Variants in NOL4L observed in about 807,000 individuals in gnomAD.
NOL4L encodes the protein nucleolar protein 4-like.
NOL4L carries 7 observed loss-of-function variants against 64.5 expected under a neutral mutation model. That is an observed-to-expected ratio of 0.11 (90% CI 0.06 to 0.20). The LOEUF is 0.20. Among genes scored for constraint, NOL4L ranks in the 10% least tolerant of loss-of-function variants. NOL4L has a pLI of 1.00. For synonymous variants in NOL4L, 413 were observed against 401.0 expected, an observed-to-expected ratio of 1.03 and a Z score of -0.36; for missense variants, 680 against 967.1, an observed-to-expected ratio of 0.70 and a Z score of 3.94.
intron 3 of NOL4L, 143 bp downstream of exon 3, chr20:32,520,668 G>A: frequency 2.1e-6 from 1 of 466,550 alleles, no homozygotes. Context: ...GCTTTGGGCA[G>A]CACCACGGAC....
At chr20:32,504,283 G>A (rs570204136) in intron 4 of NOL4L, among the ~76,000 whole-genome samples, 31 of 152,210 alleles carry the variant, frequency 2.0e-4, no homozygotes, top group South Asian at 6.2e-4. Flanking sequence ...CTCAGAGGCC[G>A]GGCGTGGTGG....
chr20:32,494,751 G>A (rs1468693690), intron 4 of NOL4L, among the ~76,000 whole-genome samples: 1 of 152,212 alleles, frequency 6.6e-6, no homozygotes, highest in Non-Finnish European at 1.5e-5. Context: ...GGACAAGGTT[G>A]GAGCAATAGC....
intron 1 of NOL4L, chr20:32,535,447 T>C (rs1340023063): frequency 7.4e-6 from 2 of 270,794 alleles, no homozygotes; most frequent in Non-Finnish European, 1.1e-5. Flanking sequence ...CTGCCTCTTC[T>C]CCACCCTTGT....
At position 32,452,258 on chromosome 20, in the gene NOL4L, G is replaced by C; in HGVS notation, c.1800C>G (p.Leu600=). 1 of 1,573,404 alleles carries C rather than the reference G, an allele frequency of 6.4e-7. No homozygotes were observed. Among genetic ancestry groups the C allele is most frequent in the East Asian group, 2.3e-5 (1 of 43,604 alleles). Residue 600 remains leucine (L), a synonymous_variant, in exon 10 of 11, where the codon CTC becomes CTG. Transcript: ENST00000621426. ...CACCATTACTGTGGTTTCCTGTTTG[G>C]AGGGAGGCAGGGGGCTGCAGGTTGC... ...LSSNLQPPAS[L]QTGNHSNGPT...
At chr20:32,452,575 G>C (rs1321161516) in intron 9 of NOL4L, 138 bp from the exon 10 acceptor site, 2 of 868,156 alleles carry the variant, frequency 2.3e-6, no homozygotes, top group Non-Finnish European at 3.4e-6. Context: ...GTGGGATTCT[G>C]TCTGTCCCCT....
chr20:32,549,334 A>G (rs1470106871), intron 1 of NOL4L, among the ~76,000 whole-genome samples: 1 of 152,226 alleles, frequency 6.6e-6, no homozygotes, highest in African/African-American at 2.4e-5. Context: ...ATAGAGATAT[A>G]CAAATGGCCA....
Position 32,557,790 on chromosome 20 carries a change from C to T in NOL4L, c.321+26780G>A, listed in dbSNP as rs190517253. Among the ~76,000 whole-genome samples, 21 of 152,320 alleles carry T rather than the reference C, an allele frequency of 1.4e-4. No homozygotes were observed. The East Asian group carries it at 3.7e-3, about 27-fold the overall frequency. On this transcript the variant is annotated intron_variant, in intron 1 of 10. Coordinates refer to ENST00000621426, the MANE Select transcript of NOL4L (RefSeq NM_001256798.2). ...TTTAAATAATGTGAACACAGCCAGG[C>T]GCGGTGGCTCATGCCTGTAATCCCA...
intron 4 of NOL4L, among the ~76,000 whole-genome samples, chr20:32,504,514 C>A (rs899201283): frequency 1.3e-5 from 2 of 148,812 alleles, no homozygotes; most frequent in African/African-American, 2.5e-5. Context: ...GAGCCAAGAT[C>A]GTGCCACTGC....
At chr20:32,550,687 C>A (rs1358728078) in intron 1 of NOL4L, among the ~76,000 whole-genome samples, 8 of 152,320 alleles carry the variant, frequency 5.3e-5, no homozygotes, top group South Asian at 2.1e-4. Flanking sequence ...GGAGACCAGA[C>A]TGACCATCAT....
chr20:32,493,263 G>C lies in NOL4L; in HGVS notation c.699+18084C>G, dbSNP rs1360983529. Reference sequence around the variant, plus strand: ...CCAAGGAAGCCATGCAGGGAAACGGGCAGGTTACCAAGAGAAAGAGGCAGG... The same window carrying C: ...CCAAGGAAGCCATGCAGGGAAACGGCCAGGTTACCAAGAGAAAGAGGCAGG... On this transcript the variant is annotated intron_variant, in intron 4 of 10. Coordinates refer to ENST00000621426, the MANE Select transcript of NOL4L (RefSeq NM_001256798.2). Among the ~76,000 whole-genome samples the C allele has an allele frequency of 2.6e-5, 4 of 152,326 alleles. No homozygotes were observed. The East Asian group carries it at 7.7e-4, about 29-fold the overall frequency.
At chr20:32,458,211 G>A (rs2013734732) in intron 5 of NOL4L, among the ~76,000 whole-genome samples, 1 of 152,152 alleles carries the variant, frequency 6.6e-6, no homozygotes, top group African/African-American at 2.4e-5. Context: ...ACAGCCACTG[G>A]CACTCTCAGT....
In NOL4L at chr20:32,447,454, G is replaced by T; in HGVS notation, c.*142C>A. On this transcript the variant is annotated 3_prime_UTR_variant, in exon 11 of 11. Coordinates refer to ENST00000621426, the MANE Select transcript of NOL4L (RefSeq NM_001256798.2). The stretch of plus-strand genomic sequence containing the variant: ...AGTGTCCTTGTGCCCAAAGTCTCAG[G>T]TGCTTGGAGTGTGGCTAGAAACAGC... 1 of 922,622 alleles carries T rather than the reference G, an allele frequency of 1.1e-6. No homozygotes were observed. Among genetic ancestry groups the T allele is most frequent in the Non-Finnish European group, 1.6e-6 (1 of 636,188 alleles). 57.2% of individuals were successfully genotyped at this position (922,622 alleles called of 1,614,324 possible).
intron 1 of NOL4L, among the ~76,000 whole-genome samples, chr20:32,540,677 C>T (rs2018638389): frequency 6.6e-6 from 1 of 152,152 alleles, no homozygotes; most frequent in African/African-American, 2.4e-5. Context: ...TCCGTTTCCC[C>T]ATCTGTGAGA....
intron 3 of NOL4L, among the ~76,000 whole-genome samples, chr20:32,518,656 A>T (rs944679644): frequency 3.0e-4 from 45 of 152,062 alleles, no homozygotes; most frequent in Non-Finnish European, 4.3e-4. Context: ...TCTGTGTCTG[A>T]CTCCGCCAGT....
chr20:32,465,815 C>T (rs1057447718), intron 5 of NOL4L, among the ~76,000 whole-genome samples: 1 of 152,186 alleles, frequency 6.6e-6, no homozygotes, highest in African/African-American at 2.4e-5. Context: ...GGAAAGTCAC[C>T]CTTGAACAGG....
intron 4 of NOL4L, among the ~76,000 whole-genome samples, chr20:32,500,711 T>C (rs765075703): frequency 1.3e-5 from 2 of 151,832 alleles, no homozygotes; most frequent in Non-Finnish European, 2.9e-5. Context: ...CCTGGAGTCT[T>C]ACAGTGCCAG....
chr20:32,531,009 A>G (rs1489363075), intron 1 of NOL4L, among the ~76,000 whole-genome samples: 2 of 152,220 alleles, frequency 1.3e-5, no homozygotes, highest in Non-Finnish European at 2.9e-5. Flanking sequence ...AACAGTTTTT[A>G]AAAAGGATAT....
At chr20:32,494,256 A>G (rs2016585478) in intron 4 of NOL4L, among the ~76,000 whole-genome samples, 1 of 54,182 alleles carries the variant, frequency 1.8e-5, no homozygotes, top group African/African-American at 7.0e-5. Flanking sequence ...ATCTCGGGAA[A>G]AAAAAAAAAA....
chr20:32,498,684 G>A (rs1412047756), intron 4 of NOL4L, among the ~76,000 whole-genome samples: 2 of 148,904 alleles, frequency 1.3e-5, no homozygotes, highest in Non-Finnish European at 3.0e-5. Context: ...GATCACTAGA[G>A]CCTGGGAAGT....
Sources: allele counts gnomAD v4.1 joint callset (sites outside exome capture counted in the v4.1 genomes callset), GRCh38; gene constraint gnomAD v4.1.1; transcripts MANE v1.5; gene names NCBI Gene and HGNC (gene_info 2026-07-23, HGNC 2026-07-21).